Variants in PITPNM2 observed in about 807,000 individuals in gnomAD.
The protein encoded by PITPNM2 is phosphatidylinositol transfer protein membrane associated 2.
PITPNM2 carries 35 observed loss-of-function variants against 132.2 expected under a neutral mutation model. That is an observed-to-expected ratio of 0.26 (90% CI 0.20 to 0.35). The LOEUF is 0.35. PITPNM2 is among the 10% of genes least tolerant of loss of function. PITPNM2 has a pLI of 1.00. For synonymous variants in PITPNM2, 738 were observed against 799.2 expected (o/e 0.92, Z 1.29); for missense variants, 1,332 against 1,912.0 (o/e 0.70, Z 5.66).
intron 2 of PITPNM2, chr12:123,087,504 TG>T (rs1218520208): frequency 6.6e-6 from 1 of 151,992 alleles, no homozygotes; most frequent in Non-Finnish European, 1.5e-5. Flanking sequence ...CCCAAAGTGC[TG>T]GGATTATAGG....
intron 5 of PITPNM2, among the ~76,000 whole-genome samples, chr12:123,011,324 G>A (rs2039195690): frequency 6.6e-6 from 1 of 152,236 alleles, no homozygotes; most frequent in African/African-American, 2.4e-5. Flanking sequence ...ACCACAGAAT[G>A]CCAGGAGGGA....
chr12:123,149,324 A>T (rs2043681416), intron 1 of PITPNM2, among the ~76,000 whole-genome samples: 1 of 152,204 alleles, frequency 6.6e-6, no homozygotes, highest in South Asian at 2.1e-4. Flanking sequence ...CAGAGGATGT[A>T]CTGTCCTGTT....
At chr12:123,001,993 T>G (rs1446542109) in intron 8 of PITPNM2, among the ~76,000 whole-genome samples, 9 of 149,852 alleles carry the variant, frequency 6.0e-5, no homozygotes, top group Non-Finnish European at 3.0e-5. Flanking sequence ...ATGGTGCCGT[T>G]GCACTCCAGA....
rs1368447203 is a variant in PITPNM2 at position 123,083,483 on chromosome 12, G to T, written c.-96+26902C>A. 6.6e-6 allele frequency: 1 copy of T among 152,194 alleles called. No homozygotes were observed. Among genetic ancestry groups the T allele is most frequent in the Non-Finnish European group, 1.5e-5 (1 of 68,046 alleles). 9.4% of individuals were successfully genotyped at this position (152,194 alleles called of 1,614,324 possible). Reference sequence around the variant, plus strand: ...CTACGGCTTTGGAACTGAAGCCACAGGCCTACCATCCCTGAGAGGTAGCGG... The same window carrying T: ...CTACGGCTTTGGAACTGAAGCCACATGCCTACCATCCCTGAGAGGTAGCGG... On this transcript the variant is annotated intron_variant, in intron 2 of 25. Coordinates refer to ENST00000320201, the MANE Select transcript of PITPNM2 (RefSeq NM_020845.3). This position sits in a 1 kb window ranked among gnomAD's most constrained non-coding sequence, Gnocchi z 4.5.
intron 2 of PITPNM2, chr12:123,089,214 C>T (rs901624650): frequency 6.6e-6 from 1 of 152,162 alleles, no homozygotes; most frequent in African/African-American, 2.4e-5. Flanking sequence ...TGCGCAGCCC[C>T]GAACCCACCC....
Position 122,994,749 on chromosome 12 carries a change from G to C in PITPNM2, c.2233+52C>G. On this transcript the variant is annotated intron_variant, in intron 15 of 25. Transcript: ENST00000320201. The surrounding 1 kb of genome is among the most constrained non-coding windows in gnomAD (Gnocchi z 5.4). ...ATCACAGGGGTCCACTGAGACCCCC[G>C]CCCCCGCACCCAGTGCATGTACCCC... 9 of 1,510,400 alleles carry C rather than the reference G, an allele frequency of 6.0e-6. No homozygotes were observed. Among genetic ancestry groups the C allele is most frequent in the East Asian group, 2.3e-5 (1 of 43,208 alleles). 93.6% of individuals were successfully genotyped at this position (1,510,400 alleles called of 1,614,324 possible). A position where few individuals can be genotyped will look rare whatever the true frequency, so the allele number is the denominator to read the frequency against.
intron 2 of PITPNM2, among the ~76,000 whole-genome samples, chr12:123,051,607 G>A (rs2040858097): frequency 6.6e-6 from 1 of 152,206 alleles, no homozygotes; most frequent in Admixed American, 6.5e-5. Flanking sequence ...AAATATTGCA[G>A]CATCTGAAGT....
At chr12:123,006,366 T>C (rs1383053498) in intron 6 of PITPNM2, among the ~76,000 whole-genome samples, 1 of 151,928 alleles carries the variant, frequency 6.6e-6, no homozygotes, top group East Asian at 1.9e-4. Flanking sequence ...TAAATTAAGA[T>C]GTAGAATAAA....
chr12:122,995,764 C>A lies in PITPNM2; in HGVS notation c.1783-104G>T, dbSNP rs535300634. On this transcript the variant is annotated intron_variant, in intron 13 of 25. Coordinates refer to ENST00000320201, the MANE Select transcript of PITPNM2 (RefSeq NM_020845.3). The stretch of plus-strand genomic sequence containing the variant: ...TCCCTCCTAACCCCAGGCCAAGCGG[C>A]CACTGTCCAGCCGGCCTCTTGCCAA... The A allele has an allele frequency of 2.6e-4, 362 of 1,416,258 alleles. 1 individual carries two copies. In the African/African-American group the frequency reaches 4.3e-3, roughly 17 times the overall value. The allele number at this position is 1,416,258 out of a possible 1,614,324, so 87.7% of individuals were successfully genotyped here.
intron 2 of PITPNM2, among the ~76,000 whole-genome samples, chr12:123,059,530 C>T (rs1346265563): frequency 1.3e-5 from 2 of 152,230 alleles, no homozygotes; most frequent in African/African-American, 2.4e-5. Context: ...GGGTGGAGGC[C>T]CACTTCTCCC....
At chr12:123,101,262 C>G (rs535332781) in intron 2 of PITPNM2, among the ~76,000 whole-genome samples, 1 of 152,190 alleles carries the variant, frequency 6.6e-6, no homozygotes, top group Non-Finnish European at 1.5e-5. Flanking sequence ...TGGGACATAG[C>G]ATGGGCTGAC....
At chr12:123,145,648 T>C (rs1303478704) in intron 1 of PITPNM2, among the ~76,000 whole-genome samples, 2 of 152,220 alleles carry the variant, frequency 1.3e-5, no homozygotes. Context: ...TTTTGATTTG[T>C]CTGTTACCGG....
At chr12:123,105,828 GA>G (rs147383531) in intron 2 of PITPNM2, among the ~76,000 whole-genome samples, 3,579 of 152,286 alleles carry the variant, frequency 0.024, 54 homozygotes, top group South Asian at 0.045. Context: ...GAGGAAGAAG[GA>G]AAAGAAAGGT....
chr12:122,990,470 C>T, intron 17 of PITPNM2, 75 bp downstream of exon 17: 1 of 1,565,336 alleles, frequency 6.4e-7, no homozygotes, highest in Non-Finnish European at 8.7e-7. Flanking sequence ...TGCTCCTAGA[C>T]ATGGCCAGCA....
intron 16 of PITPNM2, among the ~76,000 whole-genome samples, chr12:122,990,986 C>T (rs922206531): frequency 2.6e-5 from 4 of 152,204 alleles, no homozygotes; most frequent in African/African-American, 4.8e-5. Context: ...CTGCCCCACA[C>T]ACACCCCTCA....
At chr12:123,076,362 G>A (rs948533831) in intron 2 of PITPNM2, among the ~76,000 whole-genome samples, 1 of 152,140 alleles carries the variant, frequency 6.6e-6, no homozygotes, top group Admixed American at 6.5e-5. Flanking sequence ...AGGGTCTCTG[G>A]GGGGCTCAAA....
intron 2 of PITPNM2, among the ~76,000 whole-genome samples, chr12:123,102,398 C>A (rs1443750970): frequency 2.6e-5 from 4 of 152,228 alleles, no homozygotes; most frequent in Non-Finnish European, 5.9e-5. Context: ...CTGGGGCAGC[C>A]CATACACCAA....
intron 13 of PITPNM2, 147 bp downstream of exon 13, chr12:122,996,311 C>T (rs1027531554): frequency 8.6e-7 from 1 of 1,168,970 alleles, no homozygotes; most frequent in Non-Finnish European, 1.2e-6. Flanking sequence ...GGGTAGAGTC[C>T]AAGCCAGATG....
intron 2 of PITPNM2, among the ~76,000 whole-genome samples, chr12:123,065,253 G>A (rs1387006647): frequency 6.6e-6 from 1 of 152,224 alleles, no homozygotes; most frequent in Non-Finnish European, 1.5e-5. Context: ...AGAGGTCCCC[G>A]ATGGCATCCA....
Sources: allele counts gnomAD v4.1 joint callset (sites outside exome capture counted in the v4.1 genomes callset), GRCh38; gene constraint gnomAD v4.1.1; non-coding constraint Gnocchi (gnomAD v3.1); transcripts MANE v1.5; gene names NCBI Gene and HGNC (gene_info 2026-07-23, HGNC 2026-07-21).